MARCHF1: variants seen among roughly 807,000 people sequenced by gnomAD.
The protein encoded by MARCHF1 is membrane associated ring-CH-type finger 1.
Under a neutral mutation model 54.2 loss-of-function variants are expected in MARCHF1, and 40 were observed. The observed-to-expected ratio is 0.74, with a 90% CI of 0.57 to 0.96. The LOEUF is 0.96. Among genes scored for constraint, MARCHF1 ranks in the 40% least tolerant of loss-of-function variants. The pLI, the probability that MARCHF1 is intolerant of heterozygous loss-of-function variation, is 0.00. For missense variants in MARCHF1, 586 were observed against 656.5 expected (o/e 0.89, Z 1.17); for synonymous variants, 236 against 236.3 (o/e 1.00, Z 0.01).
At chr4:163,937,017 C>T (rs1272998493) in intron 3 of MARCHF1, among the ~76,000 whole-genome samples, 1 of 152,154 alleles carries the variant, frequency 6.6e-6, no homozygotes, top group Non-Finnish European at 1.5e-5. Flanking sequence ...TGAAATCACT[C>T]TCACCTTCTC....
At chr4:164,292,526 C>T (rs940070607) in intron 1 of MARCHF1, among the ~76,000 whole-genome samples, 4 of 152,152 alleles carry the variant, frequency 2.6e-5, no homozygotes, top group South Asian at 2.1e-4. Flanking sequence ...TTCCCCCTTC[C>T]GTGGTTTTCA....
intron 1 of MARCHF1, among the ~76,000 whole-genome samples, chr4:164,183,003 A>G (rs1470774580): frequency 6.6e-6 from 1 of 152,026 alleles, no homozygotes. Flanking sequence ...CTTAAAGACT[A>G]TTACCAATTT....
chr4:163,723,072 G>A lies in MARCHF1; in HGVS notation c.112-22209C>T, dbSNP rs1745531379. Among the ~76,000 whole-genome samples, 4 of 152,296 alleles carry A rather than the reference G, an allele frequency of 2.6e-5. No homozygotes were observed. The South Asian group carries it at 8.3e-4, about 32-fold the overall frequency. ...GTGAATTTTATCCTGTCATTATGATGTTAGCTGGTTATTTTGCTCGTTAGT... is the reference window on the plus strand; with the variant it reads ...GTGAATTTTATCCTGTCATTATGATATTAGCTGGTTATTTTGCTCGTTAGT... On this transcript the variant is annotated intron_variant, in intron 4 of 9. Coordinates refer to ENST00000514618, the MANE Select transcript of MARCHF1 (RefSeq NM_001394959.1).
chr4:164,247,552 A>G (rs2111233173), intron 1 of MARCHF1, among the ~76,000 whole-genome samples: 1 of 150,776 alleles, frequency 6.6e-6, no homozygotes, highest in East Asian at 2.0e-4. Flanking sequence ...GCACATGTAT[A>G]CATATGTAAC....
intron 8 of MARCHF1, among the ~76,000 whole-genome samples, chr4:163,579,496 CA>C (rs1251873305): frequency 6.6e-6 from 1 of 152,128 alleles, no homozygotes; most frequent in Non-Finnish European, 1.5e-5. Context: ...ATGAATGAAG[CA>C]GTGAGAAAGT....
At position 163,854,114 on chromosome 4, in the gene MARCHF1, T is replaced by C; in HGVS notation, c.18A>G (p.Glu6=). 1 of 1,536,286 alleles carries C rather than the reference T, an allele frequency of 6.5e-7. No individual in the cohort carries two copies. Among genetic ancestry groups the C allele is most frequent in the Non-Finnish European group, 8.7e-7 (1 of 1,146,252 alleles). Residue 6 remains glutamate, a synonymous_variant, in exon 4 of 10, where the codon GAA becomes GAG. Transcript: ENST00000514618. ...TTCTGTGAGGGTTACGGGCTATCGC[T>C]TCACACCAGCCCAGCATTTTCTCCT... The part of the protein sequence containing the change: MLGWC[E]AIARNPHRIP...
chr4:163,916,933 A>ATATG (rs984679821), intron 3 of MARCHF1, among the ~76,000 whole-genome samples: 28 of 152,190 alleles, frequency 1.8e-4, no homozygotes, highest in African/African-American at 6.7e-4. Context: ...ATGTATAATG[A>ATATG]TATGTATCTA....
intron 1 of MARCHF1, among the ~76,000 whole-genome samples, chr4:164,226,783 TC>T (rs552076485): frequency 6.6e-6 from 1 of 151,952 alleles, no homozygotes; most frequent in Non-Finnish European, 1.5e-5. Flanking sequence ...CCACAGCTCA[TC>T]CCCATCTCTC....
chr4:163,685,223 A>G (rs1744229429), intron 5 of MARCHF1, among the ~76,000 whole-genome samples: 1 of 151,982 alleles, frequency 6.6e-6, no homozygotes, highest in Non-Finnish European at 1.5e-5. Flanking sequence ...TTTTTGCATA[A>G]AGGTGCAGTT....
chr4:163,912,567 G>A (rs575197717), intron 3 of MARCHF1, among the ~76,000 whole-genome samples: 1 of 152,182 alleles, frequency 6.6e-6, no homozygotes, highest in South Asian at 2.1e-4. Context: ...ATCTAAGCAT[G>A]GCTGATTTGA....
chr4:164,271,996 A>G (rs1733756181), intron 1 of MARCHF1, among the ~76,000 whole-genome samples: 1 of 151,992 alleles, frequency 6.6e-6, no homozygotes, highest in East Asian at 1.9e-4. Context: ...AGAAGGCAAA[A>G]CAAAAATAAT....
Position 163,806,283 on chromosome 4 carries a change from A to C in MARCHF1, c.111+47738T>G, listed in dbSNP as rs374309166. Among the ~76,000 whole-genome samples the C allele has an allele frequency of 7.2e-5, 11 of 152,300 alleles. 1 individual carries two copies. Among genetic ancestry groups the C allele is most frequent in the African/African-American group, 2.6e-4 (11 of 41,570 alleles). ...TGGCTCCACATTCTGGGTAAGAGGG[A>C]CTAATGGGAGGAATGGGAGCATGAT... On this transcript the variant is annotated intron_variant, in intron 4 of 9. Coordinates refer to ENST00000514618, the MANE Select transcript of MARCHF1 (RefSeq NM_001394959.1).
At chr4:163,935,674 TCAA>T (rs1000571755) in intron 3 of MARCHF1, among the ~76,000 whole-genome samples, 10 of 150,292 alleles carry the variant, frequency 6.7e-5, no homozygotes, top group African/African-American at 1.5e-4. Context: ...TTTCTCCATA[TCAA>T]CAACAAGGCT....
At chr4:164,110,033 A>G (rs1755801296) in intron 2 of MARCHF1, among the ~76,000 whole-genome samples, 1 of 151,582 alleles carries the variant, frequency 6.6e-6, no homozygotes, top group South Asian at 2.1e-4. Context: ...ATATGGAAAC[A>G]TTCAACAGAA....
chr4:164,268,696 T>A (rs1482461193), intron 1 of MARCHF1, among the ~76,000 whole-genome samples: 4 of 152,168 alleles, frequency 2.6e-5, no homozygotes, highest in Non-Finnish European at 4.4e-5. Context: ...ATGTCTTCTG[T>A]TTTCCTGATC....
intron 8 of MARCHF1, chr4:163,585,539 A>G (rs1438192996): frequency 2.1e-5 from 8 of 387,952 alleles, no homozygotes; most frequent in African/African-American, 8.2e-5. Flanking sequence ...TAATATATCA[A>G]TCAGAAGCTC....
chr4:163,673,629 G>A (rs1023628894), intron 5 of MARCHF1, among the ~76,000 whole-genome samples: 1 of 151,996 alleles, frequency 6.6e-6, no homozygotes, highest in Non-Finnish European at 1.5e-5. Context: ...TCTAAATAAA[G>A]AAGAAATAAA....
chr4:164,186,033 C>T (rs1374794124), intron 1 of MARCHF1, among the ~76,000 whole-genome samples: 1 of 152,138 alleles, frequency 6.6e-6, no homozygotes, highest in Non-Finnish European at 1.5e-5. Flanking sequence ...GCAGGGACTA[C>T]AGGCGCCTGC....
At chr4:164,313,216 G>A (rs930381970) in intron 1 of MARCHF1, among the ~76,000 whole-genome samples, 6 of 151,228 alleles carry the variant, frequency 4.0e-5, no homozygotes, top group Non-Finnish European at 7.4e-5. Context: ...AGGGGTGGTG[G>A]CGGGTGCCTG....
Sources: allele counts gnomAD v4.1 joint callset (sites outside exome capture counted in the v4.1 genomes callset), GRCh38; gene constraint gnomAD v4.1.1; transcripts MANE v1.5; gene names NCBI Gene and HGNC (gene_info 2026-07-23, HGNC 2026-07-21).